The following NHS variants were observed in gnomAD, a reference collection of about 807,000 sequenced individuals.
NHS encodes the protein actin remodeling regulator NHS.
NHS carries 5 observed loss-of-function variants against 72.5 expected under a neutral mutation model. The ratio of observed to expected loss-of-function variants is 0.07; its 90% CI spans 0.04 to 0.14. The LOEUF is 0.14. Ranked by LOEUF, NHS falls within the 10% of genes least tolerant of loss-of-function variation. The pLI, the probability that NHS is intolerant of heterozygous loss-of-function variation, is 1.00. For missense variants in NHS, 1,072 were observed against 1,355.7 expected, an observed-to-expected ratio of 0.79 and a Z score of 3.29; for synonymous variants, 464 against 547.7, an observed-to-expected ratio of 0.85 and a Z score of 2.13.
chrX:17,623,958 A>G (rs925001163), intron 1 of NHS, among the ~76,000 whole-genome samples: 3 of 112,806 alleles, frequency 2.7e-5, no homozygotes, highest in Non-Finnish European at 5.6e-5. Context: ...CACATCTGGA[A>G]TTATCATTGG....
intron 1 of NHS, among the ~76,000 whole-genome samples, chrX:17,549,357 C>G (rs996685505): frequency 9.1e-6 from 1 of 110,356 alleles, no homozygotes; most frequent in Non-Finnish European, 1.9e-5. Context: ...TAACTGCCCC[C>G]GTTGTTCCTG....
chrX:17,408,954 G>GGAGAGAGAGA (rs369974924), intron 1 of NHS, among the ~76,000 whole-genome samples: 160 of 103,407 alleles, frequency 1.5e-3, no homozygotes, highest in African/African-American at 5.7e-3. Context: ...GACGGAGAGA[G>GGAGAGAGAGA]GAGAGAGAGA....
intron 1 of NHS, among the ~76,000 whole-genome samples, chrX:17,591,398 A>C (rs189873852): frequency 9.0e-6 from 1 of 111,664 alleles, no homozygotes; most frequent in East Asian, 2.8e-4. Flanking sequence ...ACCAAACCCA[A>C]GATCTACTAG....
rs184034720 is a variant in NHS at position 17,636,162 on chromosome X, C to T, written c.566-51580C>T. ...TTCATCCTGAGATTACAGAGAAAGACTTGTTTATCTCCCAGTGTCCCCAAA... is the reference window on the plus strand; with the variant it reads ...TTCATCCTGAGATTACAGAGAAAGATTTGTTTATCTCCCAGTGTCCCCAAA... On this transcript the variant is annotated intron_variant, in intron 1 of 8. Coordinates refer to ENST00000676302, the MANE Select transcript of NHS (RefSeq NM_001291867.2). Among the ~76,000 whole-genome samples the T allele has an allele frequency of 2.2e-3, 242 of 111,965 alleles. 1 individual carries two copies. In the Middle Eastern group the frequency reaches 0.032, roughly 15 times the overall value.
chrX:17,447,785 G>GCACACA (rs58710651), intron 1 of NHS, among the ~76,000 whole-genome samples: 1,353 of 89,645 alleles, frequency 0.015, 29 homozygotes, highest in African/African-American at 0.051. Flanking sequence ...ACACACACAC[G>GCACACA]CACACACACA....
chrX:17,598,500 C>T (rs1298136896), intron 1 of NHS, among the ~76,000 whole-genome samples: 2 of 112,000 alleles, frequency 1.8e-5, no homozygotes, highest in Non-Finnish European at 3.8e-5. Context: ...TGATGCCTAC[C>T]CTGTGCCTTA....
chrX:17,396,704 CTACAG>C (rs1347054415), intron 1 of NHS, among the ~76,000 whole-genome samples: 5 of 111,858 alleles, frequency 4.5e-5, no homozygotes, highest in African/African-American at 1.6e-4. Flanking sequence ...CTACTCTGCT[CTACAG>C]TTATTGGGCA....
chrX:17,578,443 T>G (rs1049163586), intron 1 of NHS, among the ~76,000 whole-genome samples: 1 of 111,985 alleles, frequency 8.9e-6, no homozygotes, highest in Non-Finnish European at 1.9e-5. Context: ...GGGTTCCAAT[T>G]CTGTCTCTGC....
intron 3 of NHS, among the ~76,000 whole-genome samples, chrX:17,697,549 C>G (rs976462715): frequency 3.6e-5 from 4 of 111,876 alleles, no homozygotes; most frequent in African/African-American, 9.8e-5. Context: ...ATTTTGCACC[C>G]ATGAGTCCTT....
intron 1 of NHS, among the ~76,000 whole-genome samples, chrX:17,501,875 T>A (rs1408125126): frequency 8.9e-6 from 1 of 112,121 alleles, no homozygotes; most frequent in Non-Finnish European, 1.9e-5. Context: ...TCACTATCCT[T>A]GTGAGAAAAT....
intron 3 of NHS, among the ~76,000 whole-genome samples, chrX:17,702,273 G>A (rs1383211768): frequency 8.9e-6 from 1 of 111,914 alleles, no homozygotes; most frequent in Non-Finnish European, 1.9e-5. Flanking sequence ...CCCTGAAAGA[G>A]GTGGGGAAGA....
intron 1 of NHS, among the ~76,000 whole-genome samples, chrX:17,400,009 A>C (rs1044938263): frequency 8.9e-6 from 1 of 112,116 alleles, no homozygotes; most frequent in Non-Finnish European, 1.9e-5. Flanking sequence ...GATTGGAAAC[A>C]AGACAGGCTG....
chrX:17,635,828 A>T (rs2065843693), intron 1 of NHS, among the ~76,000 whole-genome samples: 1 of 112,355 alleles, frequency 8.9e-6, no homozygotes, highest in Non-Finnish European at 1.9e-5. Flanking sequence ...CTAAGCTTTG[A>T]GGACCTTGCA....
chrX:17,728,348 GT>G lies in NHS; in HGVS notation c.4222+21del. 1 of 1,189,026 alleles carries G rather than the reference GT, an allele frequency of 8.4e-7. No individual in the cohort carries two copies. Among genetic ancestry groups the G allele is most frequent in the African/African-American group, 1.7e-5 (1 of 57,316 alleles). Reference sequence around the variant, plus strand: ...TGAAAGGTCAGTCACTGATAACTTTGTCATAAAGGAAATGTGTCTCATGGCA... The same window carrying G: ...TGAAAGGTCAGTCACTGATAACTTTGCATAAAGGAAATGTGTCTCATGGCA... On this transcript the variant is annotated intron_variant, in intron 7 of 8. Coordinates refer to ENST00000676302, the MANE Select transcript of NHS (RefSeq NM_001291867.2).
At chrX:17,432,960 AT>A (rs1569253332) in intron 1 of NHS, among the ~76,000 whole-genome samples, 1 of 112,028 alleles carries the variant, frequency 8.9e-6, no homozygotes, top group Non-Finnish European at 1.9e-5. Flanking sequence ...TTAAAGTTTT[AT>A]TGGAGTTCAA....
chrX:17,673,868 C>T (rs1007166334), intron 1 of NHS, among the ~76,000 whole-genome samples: 2 of 112,390 alleles, frequency 1.8e-5, no homozygotes, highest in African/African-American at 6.5e-5. Context: ...CTATCCAGCC[C>T]TTAACCCTCC....
intron 1 of NHS, among the ~76,000 whole-genome samples, chrX:17,439,262 T>A (rs1230288535): frequency 9.0e-6 from 1 of 111,158 alleles, no homozygotes; most frequent in East Asian, 2.8e-4. Flanking sequence ...TTCTGTTCCA[T>A]GGAGGAATTT....
chrX:17,712,290 TACACACACACAC>T (rs1308908423), intron 3 of NHS, among the ~76,000 whole-genome samples: 1 of 53,008 alleles, frequency 1.9e-5, no homozygotes, highest in African/African-American at 7.4e-5. Context: ...TATATATATA[TACACACACACAC>T]ACACACACAT....
chrX:17,518,307 G>A (rs904017182), intron 1 of NHS, among the ~76,000 whole-genome samples: 12 of 112,338 alleles, frequency 1.1e-4, no homozygotes, highest in African/African-American at 3.6e-4. Flanking sequence ...AGATGGGGAT[G>A]TGTCAACCTT....
Sources: allele counts gnomAD v4.1 joint callset (sites outside exome capture counted in the v4.1 genomes callset), GRCh38; gene constraint gnomAD v4.1.1; transcripts MANE v1.5; gene names NCBI Gene and HGNC (gene_info 2026-07-23, HGNC 2026-07-21).